MANBA: variants seen among roughly 807,000 people sequenced by gnomAD.
MANBA encodes the protein beta-mannosidase.
A neutral mutation model predicts 111.1 loss-of-function variants in MANBA; 83 were observed. That is an observed-to-expected ratio of 0.75 (90% CI 0.63 to 0.90). The LOEUF (loss-of-function observed/expected upper bound fraction) is 0.90. MANBA is among the 40% of genes least tolerant of loss of function. MANBA has a pLI of 0.00. For missense variants in MANBA, 1,036 were observed against 1,069.0 expected (o/e 0.97, Z 0.43); for synonymous variants, 370 against 378.7 (o/e 0.98, Z 0.27).
intron 1 of MANBA, among the ~76,000 whole-genome samples, chr4:102,760,083 T>C (rs1724179988): frequency 1.6e-5 from 2 of 124,662 alleles, no homozygotes; most frequent in South Asian, 2.6e-4. Flanking sequence ...GGAGACTCCA[T>C]TGGGATACAC....
At chr4:102,741,137 G>C (rs1172550495) in intron 1 of MANBA, among the ~76,000 whole-genome samples, 1 of 152,004 alleles carries the variant, frequency 6.6e-6, no homozygotes, top group Admixed American at 6.6e-5. Context: ...AGTGGGCTAA[G>C]GACATGAATA....
chr4:102,658,462 C>T (rs1456879637), intron 11 of MANBA, among the ~76,000 whole-genome samples: 11 of 152,324 alleles, frequency 7.2e-5, no homozygotes, highest in African/African-American at 2.6e-4. Flanking sequence ...TGGACCCAAA[C>T]GTGACTTTAA....
intron 15 of MANBA, 96 bp from the exon 16 acceptor site, chr4:102,635,141 G>A: frequency 7.1e-7 from 1 of 1,413,266 alleles, no homozygotes; most frequent in South Asian, 1.2e-5. Flanking sequence ...CAGGTTAGCA[G>A]AAATGGTTAA....
chr4:102,653,350 G>A lies in MANBA; in HGVS notation c.1705-2649C>T, dbSNP rs576018842. On this transcript the variant is annotated intron_variant, in intron 12 of 16. Coordinates refer to ENST00000647097, the MANE Select transcript of MANBA (RefSeq NM_005908.4). The stretch of plus-strand genomic sequence containing the variant: ...TAAATAATCTGTCCAAGATGATACA[G>A]ATAATGAATGGCAGCTGTCATATTC... 2.1e-3 allele frequency among the ~76,000 whole-genome samples: 314 copies of A among 152,106 alleles called. 1 individual carries two copies. Among genetic ancestry groups the A allele is most frequent in the African/African-American group, 7.4e-3 (306 of 41,476 alleles).
At chr4:102,724,769 A>G (rs1722730245) in intron 2 of MANBA, among the ~76,000 whole-genome samples, 2 of 152,126 alleles carry the variant, frequency 1.3e-5, no homozygotes, top group South Asian at 4.1e-4. Flanking sequence ...AATATTGTTG[A>G]ACAACTACAA....
chr4:102,676,579 T>C (rs551364291), intron 7 of MANBA, among the ~76,000 whole-genome samples: 4 of 152,130 alleles, frequency 2.6e-5, no homozygotes, highest in Non-Finnish European at 4.4e-5. Context: ...TGGCCTGATA[T>C]CTCATCTGAA....
At chr4:102,693,972 C>G (rs979229001) in intron 5 of MANBA, among the ~76,000 whole-genome samples, 1 of 152,152 alleles carries the variant, frequency 6.6e-6, no homozygotes, top group Admixed American at 6.6e-5. Flanking sequence ...TAGCTCTGTC[C>G]TTTGAGCACC....
intron 15 of MANBA, among the ~76,000 whole-genome samples, chr4:102,635,561 C>T (rs928200469): frequency 6.6e-6 from 1 of 152,142 alleles, no homozygotes; most frequent in Non-Finnish European, 1.5e-5. Context: ...TTATAAATAA[C>T]CTTGCATTTA....
chr4:102,688,625 T>A lies in MANBA; in HGVS notation c.960+949A>T, dbSNP rs116350767. Among the ~76,000 whole-genome samples the A allele has an allele frequency of 1.3e-3, 205 of 152,320 alleles. 1 individual carries two copies. The highest frequency in any genetic ancestry group is 4.8e-3 in the African/African-American group (198 of 41,576). ...CTTTGAAGAGGGTTAATACCATTTC[T>A]ACTAACTATATGCCATGACTCTTAT... On this transcript the variant is annotated intron_variant, in intron 7 of 16. Coordinates refer to ENST00000647097, the MANE Select transcript of MANBA (RefSeq NM_005908.4).
At chr4:102,648,569 C>T (rs1423546605) in intron 13 of MANBA, among the ~76,000 whole-genome samples, 1 of 151,972 alleles carries the variant, frequency 6.6e-6, no homozygotes, top group Non-Finnish European at 1.5e-5. Context: ...TGTTGTCTTG[C>T]AGCTGGAGGT....
At chr4:102,730,850 T>C in intron 1 of MANBA, 1 of 369,508 alleles carries the variant, frequency 2.7e-6, no homozygotes, top group African/African-American at 2.1e-5. Context: ...TGCGCCTAGT[T>C]ACCATAAACA....
chr4:102,650,712 A>T lies in MANBA; in HGVS notation c.1705-11T>A. 6.2e-7 allele frequency: 1 copy of T among 1,607,346 alleles called. No homozygotes were observed. Among genetic ancestry groups the T allele is most frequent in the Non-Finnish European group, 8.5e-7 (1 of 1,174,122 alleles). ...CTCTGTAGACGAGACCTTTCAAATA[A>T]AGAATAAGAATTAGAAATCTGAAAG... is the stretch of plus-strand genomic sequence containing the variant. On this transcript the variant is annotated splice_polypyrimidine_tract_variant and intron_variant, in intron 12 of 16. Coordinates refer to ENST00000647097, the MANE Select transcript of MANBA (RefSeq NM_005908.4).
At chr4:102,693,125 G>A (rs1732557618) in intron 5 of MANBA, among the ~76,000 whole-genome samples, 1 of 152,164 alleles carries the variant, frequency 6.6e-6, no homozygotes, top group South Asian at 2.1e-4. Context: ...GGTTTGTTCT[G>A]ATCCAGTTAA....
Position 102,671,381 on chromosome 4 carries a change from TGTAAAAGGAGCC to T in MANBA, c.1118_1129del (p.Arg373_Leu376del). On this transcript the variant is annotated inframe_deletion, in exon 9 of 17. Transcript: ENST00000647097. Reference sequence around the variant, plus strand: ...ATTCATATTAGCATCCACAACAGACTGTAAAAGGAGCCGTAACCTGTAGAAGACATTTTAGAA... The same window carrying T: ...ATTCATATTAGCATCCACAACAGACTGTAACCTGTAGAAGACATTTTAGAA... The T allele has an allele frequency of 1.2e-6, 2 of 1,603,124 alleles. No individual in the cohort carries two copies. Among genetic ancestry groups the T allele is most frequent in the Non-Finnish European group, 1.7e-6 (2 of 1,170,364 alleles).
At chr4:102,640,400 A>G (rs1446468629) in intron 13 of MANBA, among the ~76,000 whole-genome samples, 1 of 152,222 alleles carries the variant, frequency 6.6e-6, no homozygotes, top group Non-Finnish European at 1.5e-5. Context: ...ATTTCTCATG[A>G]ATGCAATTCC....
In MANBA at chr4:102,752,069, A is replaced by G. The variant is rs1398849624; in HGVS notation, c.177+8649T>C. On this transcript the variant is annotated intron_variant, in intron 1 of 16. Coordinates refer to ENST00000647097, the MANE Select transcript of MANBA (RefSeq NM_005908.4). ...TGGTCTACAGTCCCTACAGAAGAAG[A>G]AGATGAAATGGAGGAATCCACAAAT... 7 of 759,144 alleles carry G rather than the reference A, an allele frequency of 9.2e-6. No homozygotes were observed. The Admixed American group carries it at 1.2e-4, about 13-fold the overall frequency. The allele number at this position is 759,144 out of a possible 1,614,324, so 47.0% of individuals were successfully genotyped here.
At chr4:102,683,532 T>C (rs1363565890) in intron 7 of MANBA, among the ~76,000 whole-genome samples, 4 of 152,228 alleles carry the variant, frequency 2.6e-5, no homozygotes, top group African/African-American at 9.6e-5. Flanking sequence ...ATGTATTAGT[T>C]CATTAAAACA....
At chr4:102,706,854 T>C (rs1348393299) in intron 5 of MANBA, among the ~76,000 whole-genome samples, 1 of 152,116 alleles carries the variant, frequency 6.6e-6, no homozygotes, top group Admixed American at 6.5e-5. Flanking sequence ...GAGGACAGAT[T>C]TTTGGAAGTA....
intron 1 of MANBA, chr4:102,752,452 C>T (rs1316011132): frequency 2.6e-6 from 2 of 782,972 alleles, no homozygotes; most frequent in Non-Finnish European, 4.7e-6. Flanking sequence ...TGAACAGCAA[C>T]TGATTTCAGG....
Sources: allele counts gnomAD v4.1 joint callset (sites outside exome capture counted in the v4.1 genomes callset), GRCh38; gene constraint gnomAD v4.1.1; transcripts MANE v1.5; gene names NCBI Gene and HGNC (gene_info 2026-07-23, HGNC 2026-07-21).